OPRM1: variants seen among roughly 807,000 people sequenced by gnomAD.
OPRM1 encodes the protein opioid receptor mu 1, also known as mu-type opioid receptor.
Under a neutral mutation model 31.8 loss-of-function variants are expected in OPRM1, and 27 were observed. The ratio of observed to expected loss-of-function variants is 0.85; its 90% CI spans 0.63 to 1.17. The LOEUF is 1.17. OPRM1 is among the 50% of genes most tolerant of loss of function. The pLI is 0.00. For missense variants in OPRM1, 536 were observed against 511.1 expected (o/e 1.05, Z -0.47); for synonymous variants, 196 against 189.9 (o/e 1.03, Z -0.26).
intron 3 of OPRM1, among the ~76,000 whole-genome samples, chr6:154,171,131 T>C (rs140808584): frequency 8.5e-5 from 13 of 152,282 alleles, no homozygotes; most frequent in African/African-American, 2.6e-4. Context: ...CCCAAGAGAA[T>C]TGAAAACATA....
chr6:154,163,655 T>A (rs1204314291), intron 3 of OPRM1, among the ~76,000 whole-genome samples: 1 of 152,222 alleles, frequency 6.6e-6, no homozygotes, highest in Non-Finnish European at 1.5e-5. Context: ...CATGTAGACA[T>A]TCGTTGAATA....
chr6:154,040,457 A>C (rs1296142912), intron 1 of OPRM1, among the ~76,000 whole-genome samples: 1 of 152,192 alleles, frequency 6.6e-6, no homozygotes, highest in Non-Finnish European at 1.5e-5. Flanking sequence ...AGGTAGAGGA[A>C]GTTTTCCTAG....
At chr6:154,061,709 A>G (rs1172818315) in intron 1 of OPRM1, among the ~76,000 whole-genome samples, 2 of 152,036 alleles carry the variant, frequency 1.3e-5, no homozygotes, top group Non-Finnish European at 2.9e-5. Context: ...AAAAACTTTT[A>G]TCAGGCACTA....
At chr6:154,100,056 G>GATATATATCATGATATATATCATATT (rs908382589) in intron 3 of OPRM1, among the ~76,000 whole-genome samples, 7 of 129,056 alleles carry the variant, frequency 5.4e-5, no homozygotes, top group Non-Finnish European at 9.4e-5. Flanking sequence ...TATATCATAT[G>GATATATATCATGATATATATCATATT]ATATATATCA....
At chr6:154,206,218 G>T (rs1443139021) in intron 3 of OPRM1, among the ~76,000 whole-genome samples, 2 of 152,172 alleles carry the variant, frequency 1.3e-5, no homozygotes, top group African/African-American at 4.8e-5. Flanking sequence ...TGCTACTTCC[G>T]ATAGCTATGT....
chr6:154,052,452 A>G (rs1782406540), intron 1 of OPRM1, among the ~76,000 whole-genome samples: 1 of 152,272 alleles, frequency 6.6e-6, no homozygotes, highest in African/African-American at 2.4e-5. Context: ...TAGACAACAC[A>G]TAGATGAATG....
At chr6:154,117,740 A>T (rs1219498014) in intron 3 of OPRM1, among the ~76,000 whole-genome samples, 3 of 151,964 alleles carry the variant, frequency 2.0e-5, no homozygotes, top group African/African-American at 7.3e-5. Context: ...GTGCAGGGAC[A>T]CTCCTGGCCA....
chr6:154,186,775 C>T (rs1801403650), intron 3 of OPRM1, among the ~76,000 whole-genome samples: 1 of 152,116 alleles, frequency 6.6e-6, no homozygotes, highest in Non-Finnish European at 1.5e-5. Flanking sequence ...CCAGGATGGT[C>T]TTGATCTCCT....
rs1317785395 is a variant in OPRM1, at chr6:154,089,626, G to A, written c.291-200G>A. On this transcript the variant is annotated intron_variant, in intron 1 of 3. Transcript: ENST00000330432. ...GGAAGAAACTCAACAAAGCAGCATC[G>A]TTGCTATTATTGCAGCTATTTAGCC... 33 of 553,934 alleles carry A rather than the reference G, an allele frequency of 6.0e-5. No homozygotes were observed. The Admixed American group carries it at 8.1e-4, about 14-fold the overall frequency. The allele number at this position is 553,934 out of a possible 1,614,324, so 34.3% of individuals were successfully genotyped here. A position where few individuals can be genotyped will look rare whatever the true frequency, so the allele number is the denominator to read the frequency against.
chr6:154,052,710 G>A (rs1743307453), intron 1 of OPRM1, among the ~76,000 whole-genome samples: 1 of 152,102 alleles, frequency 6.6e-6, no homozygotes, highest in Non-Finnish European at 1.5e-5. Context: ...TCATGAAATA[G>A]GAACACATCA....
At chr6:154,080,933 C>A (rs1788959672) in intron 1 of OPRM1, among the ~76,000 whole-genome samples, 1 of 152,126 alleles carries the variant, frequency 6.6e-6, no homozygotes, top group South Asian at 2.1e-4. Flanking sequence ...AAAAATAAGT[C>A]TTGTTGATCC....
intron 3 of OPRM1, among the ~76,000 whole-genome samples, chr6:154,098,006 G>A (rs1238935913): frequency 1.4e-4 from 22 of 152,188 alleles, no homozygotes. Flanking sequence ...AAGGCAGGAG[G>A]ATTGTTTGAG....
chr6:154,147,840 T>C (rs2128540301), intron 3 of OPRM1, among the ~76,000 whole-genome samples: 1 of 152,350 alleles, frequency 6.6e-6, no homozygotes, highest in Admixed American at 6.5e-5. Flanking sequence ...AAATCCCAAG[T>C]TGATCACTTG....
chr6:154,223,011 G>C (rs891604008), intron 3 of OPRM1: 2 of 633,818 alleles, frequency 3.2e-6, no homozygotes, highest in African/African-American at 3.7e-5. Flanking sequence ...GAGGTTAAAT[G>C]CTTCTATTTC....
rs1305969230 is a variant in OPRM1 at position 154,123,047 on chromosome 6, T to C, written c.*4326T>C. 6.6e-6 allele frequency among the ~76,000 whole-genome samples: 1 copy of C among 152,176 alleles called. No individual in the cohort carries two copies. Among genetic ancestry groups the C allele is most frequent in the Non-Finnish European group, 1.5e-5 (1 of 68,014 alleles). On this transcript the variant is annotated 3_prime_UTR_variant, in exon 4 of 4. Coordinates refer to ENST00000330432, the MANE Select transcript of OPRM1 (RefSeq NM_000914.5). Reference sequence around the variant, plus strand: ...TTTAATAAGCAAAAGAGGAAAGCTCTCTGCAGCAGAGACGGGAGCCCAAGT... The same window carrying C: ...TTTAATAAGCAAAAGAGGAAAGCTCCCTGCAGCAGAGACGGGAGCCCAAGT...
intron 3 of OPRM1, among the ~76,000 whole-genome samples, chr6:154,236,756 A>G (rs773929287): frequency 1.1e-4 from 16 of 152,148 alleles, no homozygotes; most frequent in Non-Finnish European, 2.1e-4. Flanking sequence ...GGCGAGGCCC[A>G]GAGATGGTGG....
rs1036832052 is a variant in OPRM1, at chr6:154,120,870, A to G, written c.*2149A>G. ...TTTTTCCACAAATGTCATGTGTGTG[A>G]ACAAGTTTCTTCCATGTCATCTTTG... On this transcript the variant is annotated 3_prime_UTR_variant, in exon 4 of 4. Transcript: ENST00000330432. Among the ~76,000 whole-genome samples the G allele has an allele frequency of 3.3e-5, 5 of 152,204 alleles. No homozygotes were observed. Among genetic ancestry groups the G allele is most frequent in the Admixed American group, 3.3e-4 (5 of 15,272 alleles).
intron 3 of OPRM1, chr6:154,094,102 G>T: frequency 1.8e-6 from 1 of 557,964 alleles, no homozygotes; most frequent in Non-Finnish European, 3.0e-6. Context: ...AGTTTATATT[G>T]GTTGTGGATG....
chr6:154,192,318 CTGTGTGTGTG>C (rs56231733), intron 3 of OPRM1, among the ~76,000 whole-genome samples: 2,793 of 148,108 alleles, frequency 0.019, 48 homozygotes, highest in African/African-American at 0.049. Context: ...CACGTGGTTA[CTGTGTGTGTG>C]TGTGTGTGTG....
Sources: gnomAD v4.1 joint callset for allele counts (sites outside exome capture counted in the v4.1 genomes callset) on GRCh38, gnomAD v4.1.1 for gene constraint, MANE v1.5 for transcripts, NCBI Gene and HGNC (gene_info 2026-07-23, HGNC 2026-07-21) for gene names.